SLC14A2: variants seen among roughly 807,000 people sequenced by gnomAD.
The protein encoded by SLC14A2 is urea transporter 2.
SLC14A2 carries 91 observed loss-of-function variants against 104.6 expected under a neutral mutation model. That is an observed-to-expected ratio of 0.87 (90% CI 0.73 to 1.04). The LOEUF (loss-of-function observed/expected upper bound fraction) is 1.04. SLC14A2 is among the 50% of genes least tolerant of loss of function. The pLI, the probability that SLC14A2 is intolerant of heterozygous loss-of-function variation, is 0.00. For missense variants in SLC14A2, 1,189 were observed against 1,156.0 expected (o/e 1.03, Z -0.41); for synonymous variants, 476 against 466.4 (o/e 1.02, Z -0.27).
the SLC14A2 span, among the ~76,000 whole-genome samples, chr18:45,177,806 CAT>C: frequency 6.6e-6 from 1 of 152,082 alleles, no homozygotes; most frequent in Admixed American, 6.6e-5. Flanking sequence ...ACATGCAATT[CAT>C]AGTTACTAAA....
In SLC14A2 at chr18:45,489,295, G is replaced by C. The variant is rs148724708; in HGVS notation, c.-35+5973G>C. ...AGAGGCTGAGGCCAGCAGATCATTT[G>C]AGGTGAGGAGTTCAAGACCAGCCTG... is the stretch of plus-strand genomic sequence containing the variant. On this transcript the variant is annotated intron_variant, in intron 2 of 20. Coordinates refer to the SLC14A2 transcript ENST00000586448. 2.3e-4 allele frequency among the ~76,000 whole-genome samples: 35 copies of C among 152,284 alleles called. No individual in the cohort carries two copies. The East Asian group carries it at 5.0e-3, about 22-fold the overall frequency.
chr18:45,600,018 C>A (rs945316451), intron 2 of SLC14A2, among the ~76,000 whole-genome samples: 9 of 152,124 alleles, frequency 5.9e-5, no homozygotes, highest in East Asian at 5.8e-4. Flanking sequence ...CACAGACAAA[C>A]AATATCAGAG....
At chr18:45,334,062 T>C (rs948172751) in intron 1 of SLC14A2, among the ~76,000 whole-genome samples, 4 of 152,202 alleles carry the variant, frequency 2.6e-5, no homozygotes, top group African/African-American at 9.7e-5. Context: ...GGCATCCTAT[T>C]TGTTCAGCAT....
intron 2 of SLC14A2, among the ~76,000 whole-genome samples, chr18:45,486,681 CAAAG>C (rs1167691279): frequency 6.6e-6 from 1 of 152,010 alleles, no homozygotes; most frequent in Non-Finnish European, 1.5e-5. Context: ...AAGAGTTAGA[CAAAG>C]AAAAAGAGTA....
intron 2 of SLC14A2, among the ~76,000 whole-genome samples, chr18:45,494,288 G>A (rs1568239876): frequency 6.6e-6 from 1 of 152,158 alleles, no homozygotes; most frequent in Admixed American, 6.5e-5. Flanking sequence ...CCTCAACTCA[G>A]GCTATCCTTC....
chr18:45,328,221 A>G (rs977243635), intron 1 of SLC14A2, among the ~76,000 whole-genome samples: 2 of 152,180 alleles, frequency 1.3e-5, no homozygotes, highest in African/African-American at 4.8e-5. Flanking sequence ...AAGCAAGTGC[A>G]TTCTCCTCCT....
chr18:45,540,174 T>C (rs16978398), intron 2 of SLC14A2, among the ~76,000 whole-genome samples: 22,385 of 152,016 alleles, frequency 0.15, 1,996 homozygotes, highest in African/African-American at 0.24. Flanking sequence ...CCAGATTTAA[T>C]GGCAGGGTAA....
At chr18:45,506,152 C>CCAGCT (rs1290363738) in intron 2 of SLC14A2, among the ~76,000 whole-genome samples, 12 of 152,192 alleles carry the variant, frequency 7.9e-5, no homozygotes, top group Non-Finnish European at 1.5e-4. Context: ...TGTACCCCTC[C>CCAGCT]CAGCTCTGAC....
chr18:45,372,178 G>T (rs62090700), intron 1 of SLC14A2, among the ~76,000 whole-genome samples: 6,665 of 152,112 alleles, frequency 0.044, 168 homozygotes, highest in Admixed American at 0.063. Flanking sequence ...CAGGAATGGT[G>T]GCACTTGCCT....
intron 1 of SLC14A2, among the ~76,000 whole-genome samples, chr18:45,329,010 C>T (rs528054735): frequency 6.6e-6 from 1 of 152,020 alleles, no homozygotes; most frequent in Non-Finnish European, 1.5e-5. Context: ...AAGGGCCTAA[C>T]GATTTTTCCA....
At chr18:45,196,337 C>A in the SLC14A2 span, among the ~76,000 whole-genome samples, 1 of 152,166 alleles carries the variant, frequency 6.6e-6, no homozygotes, top group South Asian at 2.1e-4. Context: ...CTCTCTCATT[C>A]AATCGCATGT....
intron 1 of SLC14A2, among the ~76,000 whole-genome samples, chr18:45,387,880 G>A (rs1002427545): frequency 3.9e-5 from 6 of 152,106 alleles, no homozygotes; most frequent in African/African-American, 1.4e-4. Context: ...GCCGGTATAG[G>A]CTTTGTCCAT....
Position 45,666,920 on chromosome 18 carries a change from C to A in SLC14A2, c.1558-15C>A, listed in dbSNP as rs569999486. ...CCGAATGTGGGAGACTCTTGCCTATCTCTGTCCTGGACAGGATCTGGACAC... is the reference window on the plus strand; with the variant it reads ...CCGAATGTGGGAGACTCTTGCCTATATCTGTCCTGGACAGGATCTGGACAC... On this transcript the variant is annotated splice_polypyrimidine_tract_variant and intron_variant, in intron 12 of 19. Coordinates refer to ENST00000255226, the MANE Select transcript of SLC14A2 (RefSeq NM_007163.4). 5.1e-5 allele frequency: 82 copies of A among 1,611,838 alleles called. 1 individual carries two copies. The South Asian group carries it at 8.8e-4, about 17-fold the overall frequency.
intron 5 of SLC14A2, among the ~76,000 whole-genome samples, chr18:45,633,934 G>GC (rs1388942085): frequency 2.6e-5 from 4 of 152,080 alleles, no homozygotes; most frequent in African/African-American, 7.2e-5. Flanking sequence ...TTTTCTTAAT[G>GC]CCCCCCACGT....
chr18:45,419,469 T>G (rs925140252), intron 1 of SLC14A2, among the ~76,000 whole-genome samples: 1 of 152,172 alleles, frequency 6.6e-6, no homozygotes, highest in Non-Finnish European at 1.5e-5. Flanking sequence ...CAGTTCAAAA[T>G]GAACTTTTAA....
At chr18:45,641,129 C>T in intron 7 of SLC14A2, 80 bp from the exon 8 acceptor site, 1 of 1,507,200 alleles carries the variant, frequency 6.6e-7, no homozygotes, top group Non-Finnish European at 9.1e-7. Flanking sequence ...GGAGGCCACT[C>T]TGAGACCTGG....
intron 1 of SLC14A2, among the ~76,000 whole-genome samples, chr18:45,620,636 G>T (rs1012336663): frequency 1.1e-4 from 16 of 152,002 alleles, no homozygotes; most frequent in African/African-American, 3.9e-4. Context: ...GGATTATAAA[G>T]TAGACACATT....
intron 1 of SLC14A2, among the ~76,000 whole-genome samples, chr18:45,303,679 T>C (rs2084989737): frequency 1.3e-5 from 2 of 152,246 alleles, no homozygotes; most frequent in African/African-American, 4.8e-5. Context: ...CTTAATAATA[T>C]TTATTACAGA....
chr18:45,348,960 G>T (rs1446995266), intron 1 of SLC14A2, among the ~76,000 whole-genome samples: 1 of 152,220 alleles, frequency 6.6e-6, no homozygotes, highest in Non-Finnish European at 1.5e-5. Context: ...GCTCATGTCA[G>T]AGGTATCAGC....
Sources: gnomAD v4.1 joint callset for allele counts (sites outside exome capture counted in the v4.1 genomes callset) on GRCh38, gnomAD v4.1.1 for gene constraint, MANE v1.5 for transcripts, NCBI Gene and HGNC (gene_info 2026-07-23, HGNC 2026-07-21) for gene names.